CAMKMT: variants seen among roughly 807,000 people sequenced by gnomAD.
CAMKMT encodes the protein calmodulin-lysine N-methyltransferase.
In CAMKMT, 53 loss-of-function variants were observed where a neutral mutation model predicts 48.0. That is an observed-to-expected ratio of 1.10 (90% CI 0.89 to 1.39). CAMKMT has a LOEUF of 1.39. Ranked by LOEUF, CAMKMT falls within the 40% of genes most tolerant of loss-of-function variation. The pLI is 0.00. For missense variants in CAMKMT, 428 were observed against 402.7 expected (o/e 1.06, Z -0.54); for synonymous variants, 165 against 152.3 (o/e 1.08, Z -0.61).
intron 3 of CAMKMT, among the ~76,000 whole-genome samples, chr2:44,530,103 C>G (rs1477960970): frequency 6.6e-6 from 1 of 152,126 alleles, no homozygotes; most frequent in Non-Finnish European, 1.5e-5. Context: ...TAGAACAGCT[C>G]ACTTCAATGT....
At chr2:44,552,281 A>G (rs1169089536) in intron 3 of CAMKMT, among the ~76,000 whole-genome samples, 1 of 152,100 alleles carries the variant, frequency 6.6e-6, no homozygotes, top group Non-Finnish European at 1.5e-5. Flanking sequence ...GATTGTACTC[A>G]TTATTACTTT....
intron 3 of CAMKMT, among the ~76,000 whole-genome samples, chr2:44,459,440 C>T (rs528510109): frequency 1.1e-4 from 16 of 152,006 alleles, no homozygotes; most frequent in Non-Finnish European, 1.9e-4. Context: ...GTAACATTTC[C>T]CTAGGTGATG....
chr2:44,551,067 C>T (rs992964374), intron 3 of CAMKMT, among the ~76,000 whole-genome samples: 1 of 152,104 alleles, frequency 6.6e-6, no homozygotes, highest in African/African-American at 2.4e-5. Flanking sequence ...TTCTACCTAG[C>T]CACATAATTC....
chr2:44,601,070 T>C (rs1670957522), intron 3 of CAMKMT, among the ~76,000 whole-genome samples: 1 of 152,114 alleles, frequency 6.6e-6, no homozygotes, highest in Non-Finnish European at 1.5e-5. Context: ...TTTTGATACT[T>C]TTTAGTTGAT....
chr2:44,638,625 G>C (rs1021697905), intron 3 of CAMKMT, among the ~76,000 whole-genome samples: 1 of 152,076 alleles, frequency 6.6e-6, no homozygotes, highest in Non-Finnish European at 1.5e-5. Context: ...AAAATTGTAG[G>C]GTGCAACATA....
chr2:44,403,981 A>G (rs191877947), intron 3 of CAMKMT, among the ~76,000 whole-genome samples: 6 of 152,290 alleles, frequency 3.9e-5, no homozygotes, highest in African/African-American at 9.6e-5. Flanking sequence ...CTCCTAAGCT[A>G]TAGTTTATTG....
chr2:44,462,081 A>G (rs1020393143), intron 3 of CAMKMT, among the ~76,000 whole-genome samples: 1 of 152,224 alleles, frequency 6.6e-6, no homozygotes, highest in Non-Finnish European at 1.5e-5. Flanking sequence ...TTCTGTAAGT[A>G]TCAAACTGAT....
chr2:44,649,758 C>T (rs1318149820), intron 3 of CAMKMT, among the ~76,000 whole-genome samples: 1 of 152,212 alleles, frequency 6.6e-6, no homozygotes, highest in Non-Finnish European at 1.5e-5. Flanking sequence ...TCACCCATTC[C>T]TGCTCTCCTG....
intron 9 of CAMKMT, among the ~76,000 whole-genome samples, chr2:44,763,597 G>T (rs1220740513): frequency 6.6e-6 from 1 of 152,234 alleles, no homozygotes; most frequent in Non-Finnish European, 1.5e-5. Flanking sequence ...TACAATGTGT[G>T]TCCCTGGTGG....
intron 9 of CAMKMT, among the ~76,000 whole-genome samples, chr2:44,754,988 G>A (rs1292145990): frequency 6.6e-6 from 1 of 152,108 alleles, no homozygotes; most frequent in Non-Finnish European, 1.5e-5. Context: ...TGTTTCTAAA[G>A]TATTTTTTTA....
intron 3 of CAMKMT, among the ~76,000 whole-genome samples, chr2:44,460,482 G>T (rs1380584839): frequency 1.3e-5 from 2 of 152,032 alleles, no homozygotes; most frequent in African/African-American, 4.8e-5. Flanking sequence ...TTTACTTGAG[G>T]ATATTGGCTT....
At chr2:44,633,802 T>G (rs1468614486) in intron 3 of CAMKMT, among the ~76,000 whole-genome samples, 1 of 152,206 alleles carries the variant, frequency 6.6e-6, no homozygotes, top group East Asian at 1.9e-4. Context: ...AAACATCTAG[T>G]AAGTTTTTGA....
At position 44,541,852 on chromosome 2, in the gene CAMKMT, G is replaced by A. The variant is rs191048915; in HGVS notation, c.376+151547G>A. On this transcript the variant is annotated intron_variant, in intron 3 of 10. Coordinates refer to ENST00000378494, the MANE Select transcript of CAMKMT (RefSeq NM_024766.5). Reference sequence around the variant, plus strand: ...AGCTGTAAAAACAGCCATATCGGCCGGGCACGATGGCTCACGCCTATAATC... The same window carrying A: ...AGCTGTAAAAACAGCCATATCGGCCAGGCACGATGGCTCACGCCTATAATC... Among the ~76,000 whole-genome samples, 556 of 151,936 alleles carry A rather than the reference G, an allele frequency of 3.7e-3. 3 individuals carry two copies. Among genetic ancestry groups the A allele is most frequent in the Middle Eastern group, 0.014 (4 of 288 alleles).
At chr2:44,764,696 T>C (rs1321554934) in intron 9 of CAMKMT, among the ~76,000 whole-genome samples, 1 of 152,216 alleles carries the variant, frequency 6.6e-6, no homozygotes, top group East Asian at 1.9e-4. Context: ...AATCCTTCAC[T>C]GTATGTTTAA....
intron 3 of CAMKMT, among the ~76,000 whole-genome samples, chr2:44,664,860 T>C (rs900895527): frequency 1.3e-5 from 2 of 151,940 alleles, no homozygotes; most frequent in African/African-American, 2.4e-5. Flanking sequence ...GGATGGAAAA[T>C]AGCCTTCAGA....
intron 7 of CAMKMT, among the ~76,000 whole-genome samples, chr2:44,737,644 T>C (rs1679426000): frequency 6.6e-6 from 1 of 152,170 alleles, no homozygotes; most frequent in Non-Finnish European, 1.5e-5. Flanking sequence ...TTTTTTGACA[T>C]GATCTTTCCC....
chr2:44,488,534 A>G (rs1426222169), intron 3 of CAMKMT, among the ~76,000 whole-genome samples: 3 of 151,700 alleles, frequency 2.0e-5, no homozygotes, highest in African/African-American at 7.3e-5. Flanking sequence ...GTTATTAATA[A>G]CTTATTTGTA....
At chr2:44,569,647 T>C (rs758238445) in intron 3 of CAMKMT, among the ~76,000 whole-genome samples, 10 of 152,160 alleles carry the variant, frequency 6.6e-5, no homozygotes, top group Non-Finnish European at 8.8e-5. Context: ...GCTGGCATGA[T>C]AGATGGAAGT....
chr2:44,424,833 G>A (rs998339530), intron 3 of CAMKMT, among the ~76,000 whole-genome samples: 2 of 152,128 alleles, frequency 1.3e-5, no homozygotes, highest in African/African-American at 4.8e-5. Context: ...CGGGTGATGG[G>A]TGTGCCAAAA....
Sources: gnomAD v4.1 joint callset for allele counts (sites outside exome capture counted in the v4.1 genomes callset) on GRCh38, gnomAD v4.1.1 for gene constraint, MANE v1.5 for transcripts, NCBI Gene and HGNC (gene_info 2026-07-23, HGNC 2026-07-21) for gene names.